GIPC2: variants seen among roughly 807,000 people sequenced by gnomAD.
The protein encoded by GIPC2 is PDZ domain-containing protein GIPC2.
In GIPC2, 30 loss-of-function variants were observed where a neutral mutation model predicts 30.6. The observed-to-expected ratio is 0.98, with a 90% CI of 0.73 to 1.33. GIPC2 has a LOEUF of 1.33. GIPC2 is among the 40% of genes most tolerant of loss of function. GIPC2 has a pLI of 0.00. For synonymous variants in GIPC2, 167 were observed against 150.0 expected (o/e 1.11, Z -0.83); for missense variants, 414 against 390.3 (o/e 1.06, Z -0.51).
chr1:78,114,481 A>G (rs981943913), intron 3 of GIPC2, among the ~76,000 whole-genome samples: 2 of 152,198 alleles, frequency 1.3e-5, no homozygotes, highest in African/African-American at 4.8e-5. Flanking sequence ...TGATTTATGT[A>G]CCTGGATCAT....
chr1:78,131,193 T>C (rs558682994), intron 5 of GIPC2, among the ~76,000 whole-genome samples: 1 of 152,216 alleles, frequency 6.6e-6, no homozygotes, highest in South Asian at 2.1e-4. Flanking sequence ...GTAAGAAAAT[T>C]CTACTTTTTT....
chr1:78,131,135 T>A (rs990685000), intron 5 of GIPC2, among the ~76,000 whole-genome samples: 1 of 142,810 alleles, frequency 7.0e-6, no homozygotes, highest in African/African-American at 2.5e-5. Flanking sequence ...TACTATTTTT[T>A]AAATCTATTT....
Position 78,100,941 on chromosome 1 carries a change from TACACACACACAC to T in GIPC2, c.607+5839_607+5850del, listed in dbSNP as rs71590709. 7.0e-5 allele frequency among the ~76,000 whole-genome samples: 8 copies of T among 114,904 alleles called. 1 individual carries two copies. The highest frequency in any genetic ancestry group is 1.8e-4 in the Admixed American group (2 of 11,334). The allele number at this position is 114,904 out of a possible 152,430, so 75.4% of individuals were successfully genotyped here. On this transcript the variant is annotated intron_variant, in intron 3 of 5. Coordinates refer to ENST00000370759, the MANE Select transcript of GIPC2 (RefSeq NM_017655.6). ...TGAGACCCTGTCAAAAAAAAAAAAA[TACACACACACAC>T]ACACACACACACACACACACACACA...
intron 1 of GIPC2, among the ~76,000 whole-genome samples, chr1:78,070,626 T>G (rs1661600631): frequency 6.6e-6 from 1 of 152,194 alleles, no homozygotes; most frequent in Admixed American, 6.5e-5. Context: ...CTATTCCAAT[T>G]CTTTATCCTT....
intron 4 of GIPC2, among the ~76,000 whole-genome samples, chr1:78,121,552 G>A (rs1469676028): frequency 2.6e-5 from 4 of 152,246 alleles, no homozygotes; most frequent in African/African-American, 4.8e-5. Flanking sequence ...TAGGAATGTC[G>A]AGGCACCCAC....
rs1382033787 is a variant in GIPC2 at position 78,055,584 on chromosome 1, T to C, written c.240+9250T>C. ...TTTGACTGATTCTTTCTTCTCATCC[T>C]CTTGACTTTGCTCCTCCCATTATTA... On this transcript the variant is annotated intron_variant, in intron 1 of 5. Transcript: ENST00000370759. Among the ~76,000 whole-genome samples, 4 of 152,330 alleles carry C rather than the reference T, an allele frequency of 2.6e-5. No homozygotes were observed. The East Asian group carries it at 7.7e-4, about 29-fold the overall frequency.
chr1:78,119,980 G>T (rs1376141959), intron 4 of GIPC2, among the ~76,000 whole-genome samples: 1 of 152,086 alleles, frequency 6.6e-6, no homozygotes, highest in Admixed American at 6.5e-5. Flanking sequence ...TACCACCCCT[G>T]CCCACCACTG....
chr1:78,120,104 C>G (rs1171914541), intron 4 of GIPC2, among the ~76,000 whole-genome samples: 3 of 152,240 alleles, frequency 2.0e-5, no homozygotes, highest in Non-Finnish European at 4.4e-5. Context: ...TCAGAATGAT[C>G]CTTAAAATAT....
intron 3 of GIPC2, among the ~76,000 whole-genome samples, chr1:78,105,490 G>T (rs1000129652): frequency 1.3e-5 from 2 of 152,016 alleles, no homozygotes; most frequent in African/African-American, 4.8e-5. Flanking sequence ...GTTTCACCAT[G>T]TTGGCCAAGA....
intron 3 of GIPC2, chr1:78,112,503 G>T (rs1662487625): frequency 1.9e-6 from 1 of 518,968 alleles, no homozygotes; most frequent in African/African-American, 1.9e-5. Context: ...TATGGTCTCT[G>T]CCCAGGCCCC....
chr1:78,069,682 C>T (rs1470044273), intron 1 of GIPC2, among the ~76,000 whole-genome samples: 1 of 152,050 alleles, frequency 6.6e-6, no homozygotes, highest in Non-Finnish European at 1.5e-5. Context: ...CCACGTTGGC[C>T]AGGCTGGTCT....
At chr1:78,082,600 C>T (rs965117889) in intron 2 of GIPC2, among the ~76,000 whole-genome samples, 1 of 152,146 alleles carries the variant, frequency 6.6e-6, no homozygotes, top group African/African-American at 2.4e-5. Flanking sequence ...AAAATCTTAG[C>T]CTCTGACATT....
intron 1 of GIPC2, among the ~76,000 whole-genome samples, chr1:78,054,531 C>T (rs1171975620): frequency 6.6e-6 from 1 of 152,202 alleles, no homozygotes; most frequent in African/African-American, 2.4e-5. Flanking sequence ...TAGAAGCACA[C>T]TCAACCATTC....
rs1372235870 is a variant in GIPC2, at chr1:78,137,592, T to C, written c.*1849T>C. The C allele has an allele frequency of 2.0e-5, 3 of 152,214 alleles. No homozygotes were observed. The highest frequency in any genetic ancestry group is 7.2e-5 in the African/African-American group (3 of 41,468). 9.4% of individuals were successfully genotyped at this position (152,214 alleles called of 1,614,324 possible). On this transcript the variant is annotated 3_prime_UTR_variant, in exon 6 of 6. Transcript: ENST00000370759. Reference sequence around the variant, plus strand: ...TTTGTGTGTAAGGTTGTGATATCCATGTACAGCTGTAACTATATATACTTG... The same window carrying C: ...TTTGTGTGTAAGGTTGTGATATCCACGTACAGCTGTAACTATATATACTTG...
intron 3 of GIPC2, among the ~76,000 whole-genome samples, chr1:78,108,411 T>G (rs902497801): frequency 6.6e-6 from 1 of 152,228 alleles, no homozygotes; most frequent in African/African-American, 2.4e-5. Context: ...GTTATTGCAC[T>G]TCTGATATGC....
intron 3 of GIPC2, among the ~76,000 whole-genome samples, chr1:78,102,907 G>T (rs1662274326): frequency 6.6e-6 from 1 of 152,206 alleles, no homozygotes; most frequent in African/African-American, 2.4e-5. Context: ...GAGAACTCTG[G>T]CACTGTTTGG....
intron 5 of GIPC2, among the ~76,000 whole-genome samples, chr1:78,127,168 A>G (rs1045846703): frequency 2.0e-5 from 3 of 152,230 alleles, no homozygotes; most frequent in Non-Finnish European, 4.4e-5. Context: ...GCTACCAGGT[A>G]GAGTATTTGA....
chr1:78,086,674 T>C (rs1463862186), intron 2 of GIPC2, among the ~76,000 whole-genome samples: 1 of 152,224 alleles, frequency 6.6e-6, no homozygotes, highest in Non-Finnish European at 1.5e-5. Flanking sequence ...TTTACCATTA[T>C]ATAATTCCCT....
chr1:78,064,411 C>T (rs1661462513), intron 1 of GIPC2, among the ~76,000 whole-genome samples: 1 of 152,178 alleles, frequency 6.6e-6, no homozygotes, highest in South Asian at 2.1e-4. Flanking sequence ...TGGTGCCATA[C>T]AATCATTTTA....
Sources: allele counts gnomAD v4.1 joint callset (sites outside exome capture counted in the v4.1 genomes callset), GRCh38; gene constraint gnomAD v4.1.1; transcripts MANE v1.5; gene names NCBI Gene and HGNC (gene_info 2026-07-23, HGNC 2026-07-21).